Variants in KDM7A observed in about 807,000 individuals in gnomAD.
The protein encoded by KDM7A is lysine demethylase 7A, also known as lysine-specific demethylase 7A.
A neutral mutation model predicts 114.8 loss-of-function variants in KDM7A; 28 were observed. The observed-to-expected ratio is 0.24, with a 90% CI of 0.18 to 0.33. The LOEUF is 0.33. Among genes scored for constraint, KDM7A ranks in the 10% least tolerant of loss-of-function variants. The pLI, the probability that KDM7A is intolerant of heterozygous loss-of-function variation, is 1.00. For missense variants in KDM7A, 942 were observed against 1,142.5 expected, an observed-to-expected ratio of 0.82 and a Z score of 2.53; for synonymous variants, 423 against 397.8, an observed-to-expected ratio of 1.06 and a Z score of -0.75.
In KDM7A at chr7:140,133,547, G is replaced by C; in HGVS notation, c.390C>G (p.Val130=). ...RTFIKELRSR[V]FPSADEIIIK... is the part of the protein sequence containing the mutation. ...AGAGTAAGTTTCCATACCTTGGGAA[G>C]ACTCGAGAGCGTAATTCCTTAATGA... Residue 130 remains valine (V), a synonymous_variant, in exon 3 of 20, where the codon GTC becomes GTG. Coordinates refer to ENST00000397560, the MANE Select transcript of KDM7A (RefSeq NM_030647.2). 1 of 1,568,730 alleles carries C rather than the reference G, an allele frequency of 6.4e-7. No homozygotes were observed. The highest frequency in any genetic ancestry group is 8.8e-7 in the Non-Finnish European group (1 of 1,140,556).
intron 1 of KDM7A, among the ~76,000 whole-genome samples, chr7:140,157,996 AAT>A (rs1491184329): frequency 0.13 from 9,010 of 67,302 alleles, 349 homozygotes; most frequent in Non-Finnish European, 0.18. Context: ...ATAAATAAAT[AAT>A]AATAATAATA....
In KDM7A at chr7:140,129,539, C is replaced by G; in HGVS notation, c.513G>C (p.Arg171Ser). The part of the protein sequence containing the change: ...MVPKLDDLGL[R>S]LPSPTFSVMD... ...TCACAGAAAATGTAGGTGAAGGGAG[C>G]CTGAGTCCTAGATCATCTAATTTTG... Residue 171 changes from arginine to serine, a missense_variant, in exon 4 of 20, where the codon AGG becomes AGC. Physicochemically the swap from Arg to Ser is moderately radical, Grantham distance 110. Coordinates refer to ENST00000397560, the MANE Select transcript of KDM7A (RefSeq NM_030647.2). 2 of 1,613,484 alleles carry G rather than the reference C, an allele frequency of 1.2e-6. No individual in the cohort carries two copies. Among genetic ancestry groups the G allele is most frequent in the East Asian group, 4.5e-5 (2 of 44,842 alleles).
chr7:140,093,129 T>G (rs528154306), intron 18 of KDM7A, among the ~76,000 whole-genome samples: 1 of 152,306 alleles, frequency 6.6e-6, no homozygotes, highest in Admixed American at 6.5e-5. Context: ...ATGTTCCATA[T>G]TTAGGGGTAG....
At chr7:140,142,134 A>C (rs1794290529) in intron 1 of KDM7A, among the ~76,000 whole-genome samples, 1 of 149,006 alleles carries the variant, frequency 6.7e-6, no homozygotes, top group Non-Finnish European at 1.5e-5. Flanking sequence ...ATGTATTCCA[A>C]AGTAGATGAT....
At chr7:140,164,254 G>C (rs954010991) in intron 1 of KDM7A, among the ~76,000 whole-genome samples, 1 of 152,218 alleles carries the variant, frequency 6.6e-6, no homozygotes, top group Non-Finnish European at 1.5e-5. Context: ...GTGCAACAAA[G>C]AGTTTGCAAG....
intron 14 of KDM7A, among the ~76,000 whole-genome samples, chr7:140,098,292 G>C (rs1394119890): frequency 6.6e-6 from 1 of 152,162 alleles, no homozygotes; most frequent in Non-Finnish European, 1.5e-5. Context: ...TTTTAAAATA[G>C]AAAGGAATAC....
intron 4 of KDM7A, among the ~76,000 whole-genome samples, 192 bp downstream of exon 4, chr7:140,129,301 T>C (rs1270455141): frequency 6.6e-6 from 1 of 152,170 alleles, no homozygotes; most frequent in Non-Finnish European, 1.5e-5. Flanking sequence ...ATCAAGTAAA[T>C]TGTCATTCTG....
At chr7:140,151,549 G>T (rs1035881680) in intron 1 of KDM7A, among the ~76,000 whole-genome samples, 4 of 152,220 alleles carry the variant, frequency 2.6e-5, no homozygotes, top group Admixed American at 6.5e-5. Flanking sequence ...TTTCTTTCAA[G>T]AATTTATTCT....
rs552710575 is a variant in KDM7A, at chr7:140,094,044, C to T, written c.2457+12G>A. 8.4e-5 allele frequency: 125 copies of T among 1,494,968 alleles called. 1 individual carries two copies. The South Asian group carries it at 1.4e-3, about 16-fold the overall frequency. 92.6% of individuals were successfully genotyped at this position (1,494,968 alleles called of 1,614,324 possible). ...TTAAATCTCCTTTTAACGTTTCAAACTTTGAATATACCTGAGGATGAAATC... is the reference window on the plus strand; with the variant it reads ...TTAAATCTCCTTTTAACGTTTCAAATTTTGAATATACCTGAGGATGAAATC... On this transcript the variant is annotated intron_variant, in intron 18 of 19. Transcript: ENST00000397560.
chr7:140,174,923 T>G (rs1185071744), intron 1 of KDM7A, among the ~76,000 whole-genome samples: 1 of 152,186 alleles, frequency 6.6e-6, no homozygotes, highest in Non-Finnish European at 1.5e-5. Context: ...CGAGACAAAT[T>G]TTTATGCAGT....
chr7:140,112,537 G>A (rs1376649134), intron 10 of KDM7A, among the ~76,000 whole-genome samples: 2 of 151,950 alleles, frequency 1.3e-5, no homozygotes, highest in East Asian at 1.9e-4. Flanking sequence ...CTTGAACCCA[G>A]GAGGCGTAGG....
At chr7:140,094,285 A>G (rs1162577197) in intron 17 of KDM7A, 147 bp from the exon 18 acceptor site, 2 of 640,886 alleles carry the variant, frequency 3.1e-6, no homozygotes, top group Middle Eastern at 4.2e-4. Context: ...CAGGTCAATC[A>G]CTTGAAGTCA....
chr7:140,105,897 T>G (rs1562947771), intron 11 of KDM7A, among the ~76,000 whole-genome samples: 1 of 152,186 alleles, frequency 6.6e-6, no homozygotes, highest in African/African-American at 2.4e-5. Flanking sequence ...TGGTAGAATT[T>G]GGCTGTGAAT....
chr7:140,092,222 A>C, intron 18 of KDM7A, 145 bp from the exon 19 acceptor site: 1 of 705,678 alleles, frequency 1.4e-6, no homozygotes, highest in Non-Finnish European at 2.3e-6. Context: ...ACGGATGACC[A>C]CTCCTGCATG....
intron 1 of KDM7A, among the ~76,000 whole-genome samples, chr7:140,162,337 CA>C (rs57973867): frequency 0.45 from 59,725 of 133,164 alleles, 11,961 homozygotes; most frequent in Middle Eastern, 0.5. Context: ...CTCAGTCTCC[CA>C]AAAAAAAAAA....
chr7:140,137,219 A>C (rs537877773), intron 2 of KDM7A, among the ~76,000 whole-genome samples: 31 of 152,182 alleles, frequency 2.0e-4, no homozygotes, highest in Non-Finnish European at 3.4e-4. Flanking sequence ...CAGGGATGAG[A>C]AGCATAGGCA....
chr7:140,165,360 C>G (rs1489671746), intron 1 of KDM7A, among the ~76,000 whole-genome samples: 1 of 152,162 alleles, frequency 6.6e-6, no homozygotes, highest in Non-Finnish European at 1.5e-5. Context: ...ACTTAATTAT[C>G]CAATAGTAAA....
intron 11 of KDM7A, among the ~76,000 whole-genome samples, chr7:140,103,121 T>C (rs997300396): frequency 1.4e-4 from 21 of 152,002 alleles, no homozygotes; most frequent in Non-Finnish European, 2.6e-4. Flanking sequence ...ACACAATAAT[T>C]TCCCATTCTC....
chr7:140,168,292 G>A (rs192846051), intron 1 of KDM7A, among the ~76,000 whole-genome samples: 4 of 152,118 alleles, frequency 2.6e-5, no homozygotes, highest in Non-Finnish European at 5.9e-5. Context: ...AAGGTCGGGC[G>A]TGGTGGCTCA....
Sources: gnomAD v4.1 joint callset for allele counts (sites outside exome capture counted in the v4.1 genomes callset) on GRCh38, gnomAD v4.1.1 for gene constraint, MANE v1.5 for transcripts, NCBI Gene and HGNC (gene_info 2026-07-23, HGNC 2026-07-21) for gene names.